Variants in DENND2C observed in about 807,000 individuals in gnomAD.
The protein encoded by DENND2C is DENN domain containing 2C.
DENND2C carries 72 observed loss-of-function variants against 112.4 expected under a neutral mutation model. The observed-to-expected ratio is 0.64, with a 90% CI of 0.53 to 0.78. The LOEUF is 0.78. DENND2C is among the 30% of genes least tolerant of loss of function. DENND2C has a pLI of 0.00. For synonymous variants in DENND2C, 329 were observed against 381.6 expected (o/e 0.86, Z 1.61); for missense variants, 992 against 1,113.8 (o/e 0.89, Z 1.56).
rs200263613 is a variant in DENND2C, at chr1:114,608,695, G to T, written c.1548C>A (p.Phe516Leu). Residue 516 changes from phenylalanine to leucine, a missense_variant, in exon 10 of 21, where the codon TTC becomes TTA. Coordinates refer to ENST00000393274, the MANE Select transcript of DENND2C (RefSeq NM_001256404.2). ...GCCTCCTTGTGCCTACCTTGCCAGG[G>T]AATTGTTGTATGACCTGGGGAATAT... is the stretch of plus-strand genomic sequence containing the variant. The part of the protein sequence containing the change: ...ISYIPQVIQQ[F>L]PGKDDHGYKQ... 6.2e-7 allele frequency: 1 copy of T among 1,613,602 alleles called. No individual in the cohort carries two copies.
chr1:114,632,208 A>C (rs544954400), intron 3 of DENND2C, among the ~76,000 whole-genome samples: 2 of 152,306 alleles, frequency 1.3e-5, no homozygotes, highest in East Asian at 3.9e-4. Context: ...CTGGAGTCGC[A>C]GAAATGAAGG....
At chr1:114,595,742 T>A in intron 17 of DENND2C, 90 bp downstream of exon 17, 1 of 1,219,706 alleles carries the variant, frequency 8.2e-7, no homozygotes, top group South Asian at 1.3e-5. Flanking sequence ...CTGAGTCATA[T>A]TCTCTAAGTA....
At chr1:114,622,957 T>C (rs376570538) in intron 6 of DENND2C, 30 bp downstream of exon 6, 38 of 1,524,684 alleles carry the variant, frequency 2.5e-5, no homozygotes, top group Admixed American at 5.4e-5. Context: ...AAGATTCTAA[T>C]GTTTTCTTCA....
intron 3 of DENND2C, among the ~76,000 whole-genome samples, chr1:114,636,042 T>C: frequency 6.7e-6 from 1 of 149,774 alleles, no homozygotes; most frequent in Non-Finnish European, 1.5e-5. Context: ...TAAAAATATA[T>C]AATATATATA....
At chr1:114,623,170 G>T in intron 5 of DENND2C, 71 bp from the exon 6 acceptor site, 1 of 1,398,520 alleles carries the variant, frequency 7.2e-7, no homozygotes, top group Non-Finnish European at 9.7e-7. Flanking sequence ...GCTGGCAAAA[G>T]AAAGAAAAAG....
In DENND2C at chr1:114,625,562, T is replaced by C. The variant is rs761437457; in HGVS notation, c.423A>G (p.Gly141=). 1 of 1,614,174 alleles carries C rather than the reference T, an allele frequency of 6.2e-7. No individual in the cohort carries two copies. ...ACAGTATTTGTGAGGTATAGAAGTT[T>C]CCTGGAGGTAATGAAGTCTCTGGAT... is the stretch of plus-strand genomic sequence containing the variant. ...VLDPETSLPP[G]NFYTSQILWK... The change falls in exon 4 of 21, where the codon GGA becomes GGG. Residue 141 remains glycine, a synonymous_variant. Transcript: ENST00000393274.
chr1:114,666,765 T>G (rs1342883131), intron 1 of DENND2C, among the ~76,000 whole-genome samples: 1 of 152,222 alleles, frequency 6.6e-6, no homozygotes, highest in Non-Finnish European at 1.5e-5. Flanking sequence ...AAATCTTAAC[T>G]TTTTACTTAC....
rs1162103589 is a variant in DENND2C at position 114,625,416 on chromosome 1, C to T, written c.569G>A (p.Ser190Asn). 6.2e-7 allele frequency: 1 copy of T among 1,614,106 alleles called. No homozygotes were observed. The highest frequency in any genetic ancestry group is 1.3e-5 in the African/African-American group (1 of 75,018). ...VLDSSYGITK[S>N]LENIYSEPEG... is the part of the protein sequence containing the mutation. Reference sequence around the variant, plus strand: ...AGGTTCAGAGTAAATATTTTCTAAGCTCTTGGTTATTCCGTATGAACTATC... The same window carrying T: ...AGGTTCAGAGTAAATATTTTCTAAGTTCTTGGTTATTCCGTATGAACTATC... Residue 190 changes from serine (S) to asparagine (N), a missense_variant, in exon 4 of 21, where the codon AGC becomes AAC. Ser to Asn is a conservative substitution (Grantham distance 46, BLOSUM62 1). Coordinates refer to ENST00000393274, the MANE Select transcript of DENND2C (RefSeq NM_001256404.2).
chr1:114,632,930 G>A (rs188882733), intron 3 of DENND2C, among the ~76,000 whole-genome samples: 64 of 152,046 alleles, frequency 4.2e-4, no homozygotes, highest in African/African-American at 1.5e-3. Flanking sequence ...TAGATATCTG[G>A]ATCTAAAAAA....
chr1:114,626,801 C>T (rs978694047), intron 3 of DENND2C, among the ~76,000 whole-genome samples: 2 of 151,946 alleles, frequency 1.3e-5, no homozygotes, highest in Admixed American at 6.6e-5. Context: ...CATGAGGTAC[C>T]GCACCCAGGC....
At chr1:114,623,979 G>A (rs1022382151) in intron 4 of DENND2C, among the ~76,000 whole-genome samples, 7 of 152,086 alleles carry the variant, frequency 4.6e-5, no homozygotes, top group East Asian at 3.9e-4. Flanking sequence ...CAGGTGATCT[G>A]CCTGCCTCGG....
chr1:114,605,085 A>G lies in DENND2C; in HGVS notation c.1558-54T>C. 3 of 1,338,834 alleles carry G rather than the reference A, an allele frequency of 2.2e-6. No individual in the cohort carries two copies. The Admixed American group carries it at 6.9e-5, about 31-fold the overall frequency. 82.9% of individuals were successfully genotyped at this position (1,338,834 alleles called of 1,614,324 possible). On this transcript the variant is annotated intron_variant, in intron 10 of 20. Transcript: ENST00000393274. ...AAATTATACTATGTAAGTGGGGAAT[A>G]GAAATAAAAAACTCAGCCTTGTCTC...
chr1:114,616,698 A>G (rs1158962746), intron 8 of DENND2C, among the ~76,000 whole-genome samples: 1 of 152,110 alleles, frequency 6.6e-6, no homozygotes, highest in Non-Finnish European at 1.5e-5. Flanking sequence ...TACTACAAAT[A>G]CAAAAAATTA....
chr1:114,623,193 A>G (rs1435620410), intron 5 of DENND2C, 94 bp from the exon 6 acceptor site: 1 of 1,206,258 alleles, frequency 8.3e-7, no homozygotes, highest in Non-Finnish European at 1.1e-6. Context: ...AACTATGTTC[A>G]GCTTTCTTAT....
intron 5 of DENND2C, 60 bp downstream of exon 5, chr1:114,623,447 A>G (rs1557948706): frequency 1.3e-6 from 2 of 1,530,920 alleles, no homozygotes; most frequent in Non-Finnish European, 1.8e-6. Context: ...CCATCCTACA[A>G]TTAAGGGCTT....
At chr1:114,621,703 A>C (rs568215584) in intron 7 of DENND2C, among the ~76,000 whole-genome samples, 192 bp downstream of exon 7, 1 of 152,346 alleles carries the variant, frequency 6.6e-6, no homozygotes, top group Admixed American at 6.5e-5. Flanking sequence ...ATCCACAACG[A>C]AACTCTGGCA....
intron 2 of DENND2C, among the ~76,000 whole-genome samples, chr1:114,646,425 A>C (rs1656991449): frequency 6.6e-6 from 1 of 152,212 alleles, no homozygotes; most frequent in Non-Finnish European, 1.5e-5. Context: ...TCAAAAAACT[A>C]GTGTGCGATA....
intron 3 of DENND2C, among the ~76,000 whole-genome samples, chr1:114,637,379 A>G (rs921876083): frequency 5.4e-5 from 8 of 149,524 alleles, no homozygotes; most frequent in African/African-American, 1.7e-4. Flanking sequence ...CAAAAAAAAA[A>G]AAAAAAAAAG....
chr1:114,599,134 C>A, intron 16 of DENND2C, 140 bp downstream of exon 16: 1 of 549,812 alleles, frequency 1.8e-6, no homozygotes, highest in Middle Eastern at 5.8e-4. Context: ...TTATAAACAG[C>A]AATATTATAA....
Sources: allele counts gnomAD v4.1 joint callset (sites outside exome capture counted in the v4.1 genomes callset), GRCh38; gene constraint gnomAD v4.1.1; transcripts MANE v1.5; gene names NCBI Gene and HGNC (gene_info 2026-07-23, HGNC 2026-07-21).